The following BCL2 variants were observed in gnomAD, a reference collection of about 807,000 sequenced individuals.
BCL2 encodes apoptosis regulator Bcl-2.
A neutral mutation model predicts 14.2 loss-of-function variants in BCL2; 1 was observed. That is an observed-to-expected ratio of 0.07 (90% confidence interval 0.02 to 0.33). The LOEUF is 0.33. Ranked by LOEUF, BCL2 falls within the 10% of genes least tolerant of loss-of-function variation. The pLI is 0.99. For missense variants in BCL2, 247 were observed against 305.9 expected, an observed-to-expected ratio of 0.81 and a Z score of 1.44; for synonymous variants, 151 against 137.2, an observed-to-expected ratio of 1.10 and a Z score of -0.70.
At chr18:63,150,431 A>G (rs1160452253) in intron 2 of BCL2, among the ~76,000 whole-genome samples, 1 of 152,224 alleles carries the variant, frequency 6.6e-6, no homozygotes, top group Non-Finnish European at 1.5e-5. Context: ...TTCCTGCCCA[A>G]CGGGCATTGT....
chr18:63,257,825 G>A (rs190579601), intron 2 of BCL2, among the ~76,000 whole-genome samples: 2 of 152,296 alleles, frequency 1.3e-5, no homozygotes, highest in African/African-American at 2.4e-5. Context: ...GACGGAGCAT[G>A]GAGAGGGAAG....
chr18:63,152,081 CT>C (rs1286817296), intron 2 of BCL2, among the ~76,000 whole-genome samples: 5 of 152,178 alleles, frequency 3.3e-5, no homozygotes, highest in African/African-American at 1.2e-4. Context: ...ATCCAAGACC[CT>C]GATCAAAACA....
chr18:63,133,690 T>C (rs1914133018), intron 2 of BCL2, among the ~76,000 whole-genome samples: 1 of 152,166 alleles, frequency 6.6e-6, no homozygotes, highest in Non-Finnish European at 1.5e-5. Flanking sequence ...CTGAAAAGAA[T>C]GGCATGCGGT....
At position 63,276,426 on chromosome 18, in the gene BCL2, G is replaced by A. The variant is rs954614956; in HGVS notation, c.585+41656C>T. Reference sequence around the variant, plus strand: ...GAGTCATTAGTGGCATTTAAGGGGTGGGGCCAGACAGGCTGGACAACCTGC... The same window carrying A: ...GAGTCATTAGTGGCATTTAAGGGGTAGGGCCAGACAGGCTGGACAACCTGC... On this transcript the variant is annotated intron_variant, in intron 2 of 2. Coordinates refer to ENST00000333681, the MANE Select transcript of BCL2 (RefSeq NM_000633.3). 3.3e-5 allele frequency among the ~76,000 whole-genome samples: 5 copies of A among 152,186 alleles called. No homozygotes were observed. In the South Asian group the frequency reaches 1.0e-3, roughly 31 times the overall value.
chr18:63,292,694 C>T (rs1362257082), intron 2 of BCL2, among the ~76,000 whole-genome samples: 4 of 152,224 alleles, frequency 2.6e-5, no homozygotes, highest in Non-Finnish European at 5.9e-5. Context: ...CATGACACAT[C>T]GTACTGAGGA....
intron 2 of BCL2, among the ~76,000 whole-genome samples, chr18:63,227,823 A>G (rs906328133): frequency 1.3e-5 from 2 of 152,268 alleles, no homozygotes; most frequent in Non-Finnish European, 2.9e-5. Flanking sequence ...AAGGATTAAC[A>G]TAAAGGAAGA....
chr18:63,165,804 G>C (rs145577472), intron 2 of BCL2, among the ~76,000 whole-genome samples: 1 of 152,248 alleles, frequency 6.6e-6, no homozygotes. Flanking sequence ...AGGGGAGGGG[G>C]GTGGAATCTA....
intron 2 of BCL2, among the ~76,000 whole-genome samples, chr18:63,243,148 A>G (rs1478703196): frequency 3.9e-5 from 6 of 152,236 alleles, no homozygotes; most frequent in Admixed American, 6.5e-5. Context: ...TTTGGTACAT[A>G]TACACCATGG....
chr18:63,208,674 T>C (rs1231969120), intron 2 of BCL2, among the ~76,000 whole-genome samples: 1 of 152,178 alleles, frequency 6.6e-6, no homozygotes, highest in East Asian at 1.9e-4. Context: ...AAGGAGACTT[T>C]GTGAAGGGTT....
chr18:63,261,210 T>C (rs1452652915), intron 2 of BCL2, among the ~76,000 whole-genome samples: 1 of 152,128 alleles, frequency 6.6e-6, no homozygotes, highest in Non-Finnish European at 1.5e-5. Flanking sequence ...ATCCAACCCA[T>C]CCCAGGGCCT....
intron 2 of BCL2, among the ~76,000 whole-genome samples, chr18:63,306,554 C>T: frequency 6.6e-6 from 1 of 152,248 alleles, no homozygotes; most frequent in East Asian, 1.9e-4. Context: ...GGCCTTTGTT[C>T]CTGAAGTTCT....
chr18:63,238,585 T>C (rs1910903700), intron 2 of BCL2, among the ~76,000 whole-genome samples: 1 of 152,246 alleles, frequency 6.6e-6, no homozygotes, highest in African/African-American at 2.4e-5. Flanking sequence ...GGTAATGCTT[T>C]CTGACTTCCC....
At chr18:63,168,162 C>T (rs1177420270) in intron 2 of BCL2, among the ~76,000 whole-genome samples, 2 of 152,208 alleles carry the variant, frequency 1.3e-5, no homozygotes, top group African/African-American at 4.8e-5. Flanking sequence ...TCAAGAGTGC[C>T]CATGCCTCCT....
Position 63,212,326 on chromosome 18 carries a change from T to TCAAA in BCL2, c.586-83571_586-83568dup, listed in dbSNP as rs576934995. Reference sequence around the variant, plus strand: ...CTGGGCGACAGAGCGAGACTCTGTCTCAAACAAACAAACAAACAACAACAA... The same window carrying TCAAA: ...CTGGGCGACAGAGCGAGACTCTGTCTCAAACAAACAAACAAACAAACAACAACAA... On this transcript the variant is annotated intron_variant, in intron 2 of 2. Transcript: ENST00000333681. Among the ~76,000 whole-genome samples, 433 of 151,264 alleles carry TCAAA rather than the reference T, an allele frequency of 2.9e-3. 1 individual carries two copies. Among genetic ancestry groups the TCAAA allele is most frequent in the Non-Finnish European group, 4.2e-3 (282 of 67,688 alleles).
intron 2 of BCL2, among the ~76,000 whole-genome samples, chr18:63,180,958 T>C (rs1194530109): frequency 1.3e-5 from 2 of 152,226 alleles, no homozygotes; most frequent in African/African-American, 2.4e-5. Flanking sequence ...GACGCTTTGA[T>C]TCATTGTGAT....
intron 2 of BCL2, among the ~76,000 whole-genome samples, chr18:63,155,372 A>G (rs1026891780): frequency 2.0e-5 from 3 of 152,190 alleles, no homozygotes; most frequent in Admixed American, 6.5e-5. Context: ...AGTCAACAGT[A>G]TCGGATGAGT....
rs1448547701 is a variant in BCL2 at position 63,318,527 on chromosome 18, C to A, written c.140G>T (p.Gly47Val). Residue 47 changes from glycine to valine, a missense_variant, in exon 2 of 3, where the codon GGC becomes GTC. Gly to Val is a moderately radical substitution (Grantham distance 109). Coordinates refer to ENST00000333681, the MANE Select transcript of BCL2 (RefSeq NM_000633.3). This position sits in a 1 kb window ranked among gnomAD's most constrained non-coding sequence, Gnocchi z 7.4. The stretch of plus-strand genomic sequence containing the variant: ...GTGCCCGGGCTGGGAGGAGAAGATG[C>A]CCGGTGCGGGGGCGGCCCCCGGGGG... ...AAPPGAAPAP[G>V]IFSSQPGHTP... 1 of 1,575,046 alleles carries A rather than the reference C, an allele frequency of 6.3e-7. No individual in the cohort carries two copies. The highest frequency in any genetic ancestry group is 8.6e-7 in the Non-Finnish European group (1 of 1,165,910).
intron 2 of BCL2, among the ~76,000 whole-genome samples, chr18:63,209,746 G>A (rs959105448): frequency 3.9e-5 from 6 of 152,138 alleles, no homozygotes; most frequent in African/African-American, 1.4e-4. Flanking sequence ...GAAACAGAGC[G>A]AGGAAGCTAA....
chr18:63,128,820 C>A, intron 2 of BCL2, 61 bp from the exon 3 acceptor site: 1 of 706,390 alleles, frequency 1.4e-6, no homozygotes, highest in South Asian at 1.5e-5. Context: ...GCAGAGAATG[C>A]CACCCCACAG....
Sources: gnomAD v4.1 joint callset for allele counts (sites outside exome capture counted in the v4.1 genomes callset) on GRCh38, gnomAD v4.1.1 for gene constraint, Gnocchi (gnomAD v3.1) non-coding constraint, MANE v1.5 for transcripts, NCBI Gene and HGNC (gene_info 2026-07-23, HGNC 2026-07-21) for gene names.